The following CRISPLD1 variants were observed in gnomAD, a reference collection of about 807,000 sequenced individuals.
CRISPLD1 encodes cysteine rich secretory protein LCCL domain containing 1.
A neutral mutation model predicts 77.5 loss-of-function variants in CRISPLD1; 60 were observed. The ratio of observed to expected loss-of-function variants is 0.77; its 90% confidence interval spans 0.63 to 0.96. CRISPLD1 has a LOEUF of 0.96. Among genes scored for constraint, CRISPLD1 ranks in the 40% least tolerant of loss-of-function variants. The pLI is 0.00. For missense variants in CRISPLD1, 623 were observed against 615.8 expected (o/e 1.01, Z -0.12); for synonymous variants, 195 against 200.1 (o/e 0.97, Z 0.22).
rs865938410 is a variant in CRISPLD1 at position 74,999,542 on chromosome 8, A to G, written c.259-12891A>G. ...ATTCAGTAGTTTTGGGAACCCCAAT[A>G]TTCTGCATTTCTAACAAGACCCCAG... On this transcript the variant is annotated intron_variant, in intron 2 of 14. Coordinates refer to ENST00000262207, the MANE Select transcript of CRISPLD1 (RefSeq NM_031461.6). 7.9e-5 allele frequency among the ~76,000 whole-genome samples: 12 copies of G among 152,262 alleles called. No individual in the cohort carries two copies. The Middle Eastern group carries it at 0.014, about 173-fold the overall frequency.
intron 3 of CRISPLD1, 123 bp downstream of exon 3, chr8:75,012,674 T>A: frequency 1.2e-6 from 1 of 818,598 alleles, no homozygotes; most frequent in Non-Finnish European, 1.9e-6. Context: ...ACGAAACAAG[T>A]AACAAAAAAT....
At chr8:75,004,159 C>T in intron 2 of CRISPLD1, among the ~76,000 whole-genome samples, 1 of 152,108 alleles carries the variant, frequency 6.6e-6, no homozygotes, top group East Asian at 1.9e-4. Flanking sequence ...TTGTGCATTG[C>T]CTTAAGGTAA....
At position 74,985,978 on chromosome 8, in the gene CRISPLD1, G is replaced by A. The variant is rs1812489014; in HGVS notation, c.-10G>A. ...GAGATTTTCCTGGGGAAATCCTGAGGTCATTCATTATGAAGTGTACCGCGC... is the reference window on the plus strand; with the variant it reads ...GAGATTTTCCTGGGGAAATCCTGAGATCATTCATTATGAAGTGTACCGCGC... On this transcript the variant is annotated 5_prime_UTR_variant, in exon 2 of 15. Coordinates refer to ENST00000262207, the MANE Select transcript of CRISPLD1 (RefSeq NM_031461.6). The A allele has an allele frequency of 6.2e-7, 1 of 1,605,410 alleles. No homozygotes were observed. Among genetic ancestry groups the A allele is most frequent in the Non-Finnish European group, 8.5e-7 (1 of 1,173,182 alleles).
At chr8:75,028,638 T>C (rs1813277227) in intron 13 of CRISPLD1, among the ~76,000 whole-genome samples, 1 of 152,156 alleles carries the variant, frequency 6.6e-6, no homozygotes, top group Non-Finnish European at 1.5e-5. Flanking sequence ...AATTCAAAAG[T>C]ATTGGACCTG....
chr8:75,000,143 A>C (rs914681626), intron 2 of CRISPLD1: 1 of 985,090 alleles, frequency 1.0e-6, no homozygotes, highest in East Asian at 1.1e-4. Flanking sequence ...AAACAATACA[A>C]AGTAACCACC....
intron 2 of CRISPLD1, chr8:75,000,111 C>G (rs916238150): frequency 1.8e-5 from 18 of 983,206 alleles, no homozygotes; most frequent in Middle Eastern, 5.2e-4. Flanking sequence ...TCTGGAATGT[C>G]CCCTGTATGT....
intron 12 of CRISPLD1, 84 bp from the exon 13 acceptor site, chr8:75,025,461 TG>T (rs1429703363): frequency 6.9e-6 from 3 of 434,144 alleles, no homozygotes; most frequent in Non-Finnish European, 1.1e-5. Flanking sequence ...GCTTACTTTG[TG>T]TATGCATATC....
At chr8:74,993,902 C>G (rs1184101241) in intron 2 of CRISPLD1, among the ~76,000 whole-genome samples, 2 of 152,156 alleles carry the variant, frequency 1.3e-5, no homozygotes, top group African/African-American at 4.8e-5. Context: ...CTCCAGACAG[C>G]CAGGGTGCCC....
chr8:74,986,043 G>C lies in CRISPLD1; in HGVS notation c.56G>C (p.Arg19Thr). ...LRVTTVLFMA[R>T]AIPAMVVPNA... ...GTAACCACAGTGCTGTTCATGGCTA[G>C]AGCAATTCCAGCCATGGTGGTTCCC... The change falls in exon 2 of 15, where the codon AGA becomes ACA. Residue 19 changes from arginine (R) to threonine (T), a missense_variant. Physicochemically the swap from Arg to Thr is moderately conservative, Grantham distance 71. Coordinates refer to ENST00000262207, the MANE Select transcript of CRISPLD1 (RefSeq NM_031461.6). 6.2e-7 allele frequency: 1 copy of C among 1,614,156 alleles called. No individual in the cohort carries two copies. Among genetic ancestry groups the C allele is most frequent in the Non-Finnish European group, 8.5e-7 (1 of 1,180,020 alleles).
At chr8:75,000,086 A>G (rs1429017771) in intron 2 of CRISPLD1, 2 of 951,924 alleles carry the variant, frequency 2.1e-6, no homozygotes, top group Middle Eastern at 5.3e-4. Flanking sequence ...AGGAGTGAAC[A>G]TGGGAGTTAC....
chr8:75,029,452 T>G lies in CRISPLD1; in HGVS notation c.1386T>G (p.Asp462Glu). Residue 462 changes from aspartate (D) to glutamate (E), a missense_variant, in exon 14 of 15, where the codon GAT (aspartate) becomes GAG (glutamate). By Grantham distance (45) the Asp-to-Glu change is conservative. Transcript: ENST00000262207. ...GVVRNHGGYV[D>E]VMPVDKRKTY... ...TTCGAAATCACGGTGGTTATGTTGA[T>G]GTAATGCCTGTGGACAAAAGAAAGA... 1 of 1,613,866 alleles carries G rather than the reference T, an allele frequency of 6.2e-7. No homozygotes were observed. Among genetic ancestry groups the G allele is most frequent in the Non-Finnish European group, 8.5e-7 (1 of 1,179,794 alleles).
rs199512098 is a variant in CRISPLD1, at chr8:75,032,176, T to A, written c.1452-15T>A. ...TGACATCAATATACTTTTCATATAT[T>A]TTTTTTTTTTGCAGTTTACAGAATC... On this transcript the variant is annotated splice_polypyrimidine_tract_variant and intron_variant, in intron 14 of 14. Coordinates refer to ENST00000262207, the MANE Select transcript of CRISPLD1 (RefSeq NM_031461.6). 62 of 1,188,776 alleles carry A rather than the reference T, an allele frequency of 5.2e-5. 1 individual carries two copies. The highest frequency in any genetic ancestry group is 3.7e-4 in the African/African-American group (9 of 24,238). The allele number at this position is 1,188,776 out of a possible 1,614,324, so 73.6% of individuals were successfully genotyped here.
intron 2 of CRISPLD1, among the ~76,000 whole-genome samples, chr8:74,992,142 A>G (rs781022333): frequency 5.3e-5 from 8 of 152,198 alleles, no homozygotes; most frequent in Non-Finnish European, 1.0e-4. Flanking sequence ...ATGGATGAAT[A>G]GGTAAGATTA....
At chr8:75,011,489 C>G (rs190944624) in intron 2 of CRISPLD1, among the ~76,000 whole-genome samples, 11 of 151,976 alleles carry the variant, frequency 7.2e-5, no homozygotes, top group Non-Finnish European at 1.2e-4. Context: ...AATTGTAGTG[C>G]TAAGATTGAA....
chr8:75,034,140 C>CAT lies in CRISPLD1; in HGVS notation c.*1898_*1899insAT. On this transcript the variant is annotated 3_prime_UTR_variant, in exon 15 of 15. Transcript: ENST00000262207. The stretch of plus-strand genomic sequence containing the variant: ...AGCCCCAGAACCCTTGAAATTAACT[C>CAT]TTCCATGAGTTTTCATTGCTGAAGA... 6.6e-6 allele frequency: 1 copy of CAT among 152,152 alleles called. No homozygotes were observed. The highest frequency in any genetic ancestry group is 2.4e-5 in the African/African-American group (1 of 41,548). 9.4% of individuals were successfully genotyped at this position (152,152 alleles called of 1,614,324 possible). A position where few individuals can be genotyped will look rare whatever the true frequency, so the allele number is the denominator to read the frequency against.
At chr8:74,995,921 G>A (rs1254530346) in intron 2 of CRISPLD1, among the ~76,000 whole-genome samples, 1 of 151,482 alleles carries the variant, frequency 6.6e-6, no homozygotes, top group Non-Finnish European at 1.5e-5. Context: ...ATTCCTTACG[G>A]GAATTTATAC....
In CRISPLD1 at chr8:74,985,998, C is replaced by T. The variant is rs904436249; in HGVS notation, c.11C>T (p.Thr4Ile). 1.2e-6 allele frequency: 2 copies of T among 1,613,230 alleles called. No individual in the cohort carries two copies. Among genetic ancestry groups the T allele is most frequent in the South Asian group, 1.1e-5 (1 of 91,042 alleles). Residue 4 changes from threonine to isoleucine, a missense_variant, in exon 2 of 15, where the codon ACC (threonine) becomes ATC (isoleucine). Thr to Ile is a moderately conservative substitution (Grantham distance 89, BLOSUM62 -1). Coordinates refer to ENST00000262207, the MANE Select transcript of CRISPLD1 (RefSeq NM_031461.6). ...CTGAGGTCATTCATTATGAAGTGTA[C>T]CGCGCGGGAGTGGCTCAGAGTAACC... MKC[T>I]AREWLRVTTV... is the part of the protein sequence containing the mutation.
chr8:75,011,188 A>T (rs1489064299), intron 2 of CRISPLD1, among the ~76,000 whole-genome samples: 1 of 150,908 alleles, frequency 6.6e-6, no homozygotes, highest in Non-Finnish European at 1.5e-5. Flanking sequence ...GGTTAGTTAC[A>T]TATGTATACA....
intron 2 of CRISPLD1, among the ~76,000 whole-genome samples, chr8:74,996,741 T>G (rs1343104507): frequency 2.5e-5 from 3 of 120,526 alleles, no homozygotes; most frequent in African/African-American, 1.0e-4. Flanking sequence ...TTTTTTGAGA[T>G]AGGATCTTGC....
Sources: allele counts gnomAD v4.1 joint callset (sites outside exome capture counted in the v4.1 genomes callset), GRCh38; gene constraint gnomAD v4.1.1; transcripts MANE v1.5; gene names NCBI Gene and HGNC (gene_info 2026-07-23, HGNC 2026-07-21).